Variants in SCN9A observed in about 807,000 individuals in gnomAD.
The protein encoded by SCN9A is sodium voltage-gated channel alpha subunit 9, also known as sodium channel protein type 9 subunit alpha.
A neutral mutation model predicts 187.0 loss-of-function variants in SCN9A; 131 were observed. That is an observed-to-expected ratio of 0.70 (90% CI 0.61 to 0.81). SCN9A has a LOEUF of 0.81. Among genes scored for constraint, SCN9A ranks in the 30% least tolerant of loss-of-function variants. The pLI, the probability that SCN9A is intolerant of heterozygous loss-of-function variation, is 0.00. For missense variants in SCN9A, 2,252 were observed against 2,396.6 expected (o/e 0.94, Z 1.26); for synonymous variants, 809 against 808.6 (o/e 1.00, Z -0.01).
chr2:166,341,850 T>C (rs1699792770), intron 1 of SCN9A, among the ~76,000 whole-genome samples: 1 of 152,360 alleles, frequency 6.6e-6, no homozygotes, highest in African/African-American at 2.4e-5. Flanking sequence ...CCAAGCCATA[T>C]TCATTTCATC....
intron 17 of SCN9A, among the ~76,000 whole-genome samples, chr2:166,265,840 C>T (rs1696710038): frequency 6.6e-6 from 1 of 151,782 alleles, no homozygotes; most frequent in East Asian, 1.9e-4. Context: ...TTTCATTTAT[C>T]TGTTGGCATT....
chr2:166,274,813 T>C (rs1559000730), intron 16 of SCN9A, among the ~76,000 whole-genome samples: 1 of 152,166 alleles, frequency 6.6e-6, no homozygotes, highest in Non-Finnish European at 1.5e-5. Flanking sequence ...CTCACACCAG[T>C]GTCCATGATC....
At chr2:166,270,047 C>T (rs1696907822) in intron 17 of SCN9A, among the ~76,000 whole-genome samples, 1 of 152,052 alleles carries the variant, frequency 6.6e-6, no homozygotes, top group Non-Finnish European at 1.5e-5. Context: ...ATCTGATTTT[C>T]TAACTTTAAG....
intron 17 of SCN9A, among the ~76,000 whole-genome samples, chr2:166,259,961 G>T (rs1235294887): frequency 6.6e-6 from 1 of 151,548 alleles, no homozygotes; most frequent in Non-Finnish European, 1.5e-5. Context: ...ATAAAATATA[G>T]AATCAAATGC....
chr2:166,374,350 G>C (rs1041455741), intron 1 of SCN9A, among the ~76,000 whole-genome samples: 10 of 152,138 alleles, frequency 6.6e-5, no homozygotes, highest in Non-Finnish European at 1.5e-4. Flanking sequence ...TGCCTAAATA[G>C]AGGGCACATT....
At chr2:166,251,914 T>C (rs200617078) in intron 17 of SCN9A, 29 bp from the exon 18 acceptor site, 123 of 1,609,962 alleles carry the variant, frequency 7.6e-5, no homozygotes, top group Non-Finnish European at 1.0e-4. Flanking sequence ...CCCCACCAGG[T>C]AGTTCATTTA....
At chr2:166,306,934 G>T in intron 3 of SCN9A, 22 bp downstream of exon 3, 1 of 1,359,550 alleles carries the variant, frequency 7.4e-7, no homozygotes, top group Non-Finnish European at 1.0e-6. Flanking sequence ...GCCACTGGAT[G>T]TAATCATTTT....
At chr2:166,310,733 C>A (rs1698914896) in intron 2 of SCN9A, among the ~76,000 whole-genome samples, 1 of 123,904 alleles carries the variant, frequency 8.1e-6, no homozygotes, top group African/African-American at 3.4e-5. Flanking sequence ...TTGACCCAGC[C>A]ATCCCATTAC....
intron 2 of SCN9A, 129 bp downstream of exon 2, chr2:166,311,370 A>ATG (rs1201628437): frequency 1.9e-4 from 23 of 121,892 alleles, no homozygotes; most frequent in African/African-American, 7.5e-4. Flanking sequence ...ATATATATAT[A>ATG]TATATATTTA....
In SCN9A at chr2:166,281,595, A is replaced by T. The variant is rs968072533; in HGVS notation, c.2104+84T>A. 11 of 1,280,670 alleles carry T rather than the reference A, an allele frequency of 8.6e-6. No homozygotes were observed. In the African/African-American group the frequency reaches 1.0e-4, roughly 12 times the overall value. The allele number at this position is 1,280,670 out of a possible 1,614,324, so 79.3% of individuals were successfully genotyped here. On this transcript the variant is annotated intron_variant, in intron 13 of 26. Transcript: ENST00000642356. ...TTATGGTCTCTGAATTCTTCCTAAG[A>T]ATTTCATGTGCCTATTTAAGGTTGA...
At chr2:166,244,889 T>C in intron 18 of SCN9A, among the ~76,000 whole-genome samples, 1 of 152,020 alleles carries the variant, frequency 6.6e-6, no homozygotes, top group East Asian at 1.9e-4. Context: ...TTTTCTAGAG[T>C]AGAATTAAGA....
At chr2:166,299,134 C>T (rs896037880) in intron 7 of SCN9A, among the ~76,000 whole-genome samples, 15 of 152,186 alleles carry the variant, frequency 9.9e-5, no homozygotes, top group African/African-American at 3.6e-4. Context: ...ACTTCTCCCT[C>T]TCTCTCCTGA....
intron 19 of SCN9A, 37 bp downstream of exon 19, chr2:166,242,465 T>C: frequency 6.8e-7 from 1 of 1,472,086 alleles, no homozygotes; most frequent in Non-Finnish European, 9.1e-7. Flanking sequence ...GAATATTGAC[T>C]TAATCAATAT....
intron 7 of SCN9A, chr2:166,301,992 G>A (rs957846890): frequency 6.6e-6 from 1 of 150,924 alleles, no homozygotes; most frequent in African/African-American, 2.5e-5. Flanking sequence ...TGGGCTAGGT[G>A]TTATTTGATT....
At chr2:166,309,570 A>G (rs899374565) in intron 2 of SCN9A, among the ~76,000 whole-genome samples, 5 of 152,150 alleles carry the variant, frequency 3.3e-5, no homozygotes, top group Non-Finnish European at 7.4e-5. Context: ...TTCGAGGAGA[A>G]CTACAAACCA....
intron 1 of SCN9A, among the ~76,000 whole-genome samples, chr2:166,354,064 TA>T (rs1347819257): frequency 6.6e-6 from 1 of 152,174 alleles, no homozygotes; most frequent in Non-Finnish European, 1.5e-5. Flanking sequence ...CAAAATTTTC[TA>T]AGATTTTTCA....
intron 17 of SCN9A, among the ~76,000 whole-genome samples, chr2:166,267,306 G>T (rs1696783207): frequency 6.6e-6 from 1 of 151,974 alleles, no homozygotes; most frequent in African/African-American, 2.4e-5. Context: ...TGTCTATTGA[G>T]ATGATTATAT....
At chr2:166,304,122 T>G in intron 6 of SCN9A, 116 bp downstream of exon 6, 2 of 1,613,502 alleles carry the variant, frequency 1.2e-6, no homozygotes, top group Non-Finnish European at 1.7e-6. Context: ...CTGTCACATA[T>G]CTGTAATAGG....
intron 7 of SCN9A, among the ~76,000 whole-genome samples, chr2:166,297,105 G>A (rs1698337284): frequency 6.8e-6 from 1 of 147,968 alleles, no homozygotes; most frequent in Admixed American, 6.9e-5. Flanking sequence ...GCTGAGGCAG[G>A]AGAATGGTGT....
Sources: allele counts gnomAD v4.1 joint callset (sites outside exome capture counted in the v4.1 genomes callset), GRCh38; gene constraint gnomAD v4.1.1; transcripts MANE v1.5; gene names NCBI Gene and HGNC (gene_info 2026-07-23, HGNC 2026-07-21).